Variants in RPRD2 observed in about 807,000 individuals in gnomAD.
RPRD2 encodes regulation of nuclear pre-mRNA domain containing 2.
Under a neutral mutation model 104.4 loss-of-function variants are expected in RPRD2, and 12 were observed. That is an observed-to-expected ratio of 0.11 (90% CI 0.07 to 0.19). RPRD2 has a LOEUF of 0.19. Among genes scored for constraint, RPRD2 ranks in the 10% least tolerant of loss-of-function variants. RPRD2 has a pLI of 1.00. For synonymous variants in RPRD2, 714 were observed against 684.9 expected, an observed-to-expected ratio of 1.04 and a Z score of -0.66; for missense variants, 1,543 against 1,790.1, an observed-to-expected ratio of 0.86 and a Z score of 2.49.
chr1:150,435,101 A>G (rs1485390719), intron 2 of RPRD2, among the ~76,000 whole-genome samples: 1 of 152,166 alleles, frequency 6.6e-6, no homozygotes, highest in Non-Finnish European at 1.5e-5. Flanking sequence ...TGTATCTGTT[A>G]TGGTGATCTG....
At position 150,457,308 on chromosome 1, in the gene RPRD2, C is replaced by A; in HGVS notation, c.891C>A (p.Asn297Lys). The A allele has an allele frequency of 6.2e-7, 1 of 1,609,818 alleles. No homozygotes were observed. Among genetic ancestry groups the A allele is most frequent in the Non-Finnish European group, 8.5e-7 (1 of 1,176,168 alleles). ...VVANAYKTFA[N>K]RVNNLKKKLD... ...TTTAGGCATATAAAACCTTTGCTAA[C>A]CGAGTAAACAATTTAAAGAAGAAGT... is the stretch of plus-strand genomic sequence containing the variant. Residue 297 changes from asparagine (N) to lysine (K), a missense_variant, in exon 8 of 11, where the codon AAC becomes AAA. By Grantham distance (94) the Asn-to-Lys change is moderately conservative. Coordinates refer to ENST00000369068, the MANE Select transcript of RPRD2 (RefSeq NM_015203.5).
rs752157875 is a variant in RPRD2, at chr1:150,471,202, C to T, written c.2254C>T (p.Leu752=). 3 of 1,613,826 alleles carry T rather than the reference C, an allele frequency of 1.9e-6. No homozygotes were observed. In the Admixed American group the frequency reaches 5.0e-5, roughly 27 times the overall value. ...PTSSSVDTMS[L]LSKIISPGSS... is the part of the protein sequence containing the mutation. ...ATCCAGCAGTGTAGATACTATGTCC[C>T]TGCTTTCTAAGATCATTAGCCCTGG... Residue 752 remains leucine, a synonymous_variant, in exon 11 of 11, where the codon CTG becomes TTG. Coordinates refer to ENST00000369068, the MANE Select transcript of RPRD2 (RefSeq NM_015203.5). The surrounding 1 kb of genome is among the most constrained non-coding windows in gnomAD (Gnocchi z 5.3).
intron 1 of RPRD2, among the ~76,000 whole-genome samples, chr1:150,411,809 A>C (rs1663946818): frequency 1.4e-5 from 2 of 145,502 alleles, no homozygotes; most frequent in East Asian, 2.0e-4. Context: ...AAAAAAAAAA[A>C]AAAAAAACGA....
At position 150,476,109 on chromosome 1, in the gene RPRD2, C is replaced by A. The variant is rs1668878729; in HGVS notation, c.*2775C>A. ...AGCTTAGATGAGAGCTCTCTCCCTGCTCCCCTCTACCCTCTCAAAAGTTGA... is the reference window on the plus strand; with the variant it reads ...AGCTTAGATGAGAGCTCTCTCCCTGATCCCCTCTACCCTCTCAAAAGTTGA... On this transcript the variant is annotated 3_prime_UTR_variant, in exon 11 of 11. Transcript: ENST00000369068. 6.6e-6 allele frequency: 1 copy of A among 152,180 alleles called. No homozygotes were observed. The highest frequency in any genetic ancestry group is 1.5e-5 in the Non-Finnish European group (1 of 68,042). The allele number at this position is 152,180 out of a possible 1,614,324, so 9.4% of individuals were successfully genotyped here.
intron 1 of RPRD2, among the ~76,000 whole-genome samples, chr1:150,381,409 G>C (rs1244358246): frequency 6.6e-6 from 1 of 151,984 alleles, no homozygotes; most frequent in Non-Finnish European, 1.5e-5. Flanking sequence ...AAAACAGCAA[G>C]ACCCTGGCTC....
chr1:150,456,750 C>T (rs1211646689), intron 7 of RPRD2, among the ~76,000 whole-genome samples: 1 of 151,246 alleles, frequency 6.6e-6, no homozygotes, highest in Non-Finnish European at 1.5e-5. Context: ...CATGGTGAAA[C>T]CCCGTCTCTA....
At chr1:150,401,505 T>A (rs1283314639) in intron 1 of RPRD2, among the ~76,000 whole-genome samples, 1 of 149,434 alleles carries the variant, frequency 6.7e-6, no homozygotes, top group African/African-American at 2.5e-5. Flanking sequence ...AAAGGCAGAG[T>A]CTTACTTTGT....
chr1:150,423,966 A>G (rs1202402974), intron 2 of RPRD2, among the ~76,000 whole-genome samples: 1 of 151,420 alleles, frequency 6.6e-6, no homozygotes, highest in Non-Finnish European at 1.5e-5. Context: ...CTAATTTTGT[A>G]CTTTCAGTAG....
intron 10 of RPRD2, 34 bp from the exon 11 acceptor site, chr1:150,470,527 T>C: frequency 1.3e-6 from 2 of 1,590,256 alleles, no homozygotes; most frequent in Non-Finnish European, 1.7e-6. Context: ...TAGGGAGTTG[T>C]TCTTTTTAAC....
chr1:150,370,572 CTTTTT>C (rs11288735), intron 1 of RPRD2, among the ~76,000 whole-genome samples: 2 of 109,720 alleles, frequency 1.8e-5, no homozygotes, highest in African/African-American at 3.6e-5. Context: ...TCCATTTTGT[CTTTTT>C]TTTTTTTTTT....
intron 1 of RPRD2, among the ~76,000 whole-genome samples, chr1:150,383,375 C>G (rs111446381): frequency 4.3e-5 from 6 of 139,480 alleles, no homozygotes; most frequent in African/African-American, 1.7e-4. Context: ...AGTGCAGTGG[C>G]GCAATCTTGG....
rs1668681504 is a variant in RPRD2 at position 150,472,808 on chromosome 1, T to G, written c.3860T>G (p.Val1287Gly). Residue 1287 changes from valine to glycine, a missense_variant, in exon 11 of 11, where the codon GTC (valine) becomes GGC (glycine). This residue lies in a region of RPRD2 where 880 missense variants were observed against 885.6 expected (regional missense o/e 0.99). Coordinates refer to ENST00000369068, the MANE Select transcript of RPRD2 (RefSeq NM_015203.5). ...CATAGCAGCAGTGGTGGGAGTGGTG[T>G]CCCCTTTTCTACTCCACCCCCTCCT... is the stretch of plus-strand genomic sequence containing the variant. ...GEHSSSGGSG[V>G]PFSTPPPPPP... 1 of 1,610,096 alleles carries G rather than the reference T, an allele frequency of 6.2e-7. No individual in the cohort carries two copies. Among genetic ancestry groups the G allele is most frequent in the Non-Finnish European group, 8.5e-7 (1 of 1,177,326 alleles).
At chr1:150,379,588 G>A (rs934794007) in intron 1 of RPRD2, among the ~76,000 whole-genome samples, 1 of 152,082 alleles carries the variant, frequency 6.6e-6, no homozygotes, top group Non-Finnish European at 1.5e-5. Context: ...TTTTAGTAGA[G>A]ACGGGGTTTC....
At chr1:150,381,054 A>G (rs969350762) in intron 1 of RPRD2, among the ~76,000 whole-genome samples, 2 of 152,138 alleles carry the variant, frequency 1.3e-5, no homozygotes, top group Admixed American at 1.3e-4. Flanking sequence ...AAAGAATGTA[A>G]ACTGCTAACA....
rs587723341 is a variant in RPRD2 at position 150,452,739 on chromosome 1, C to T, written c.871-4549C>T. Among the ~76,000 whole-genome samples, 4 of 133,796 alleles carry T rather than the reference C, an allele frequency of 3.0e-5. No homozygotes were observed. The East Asian group carries it at 9.7e-4, about 32-fold the overall frequency. 87.8% of individuals were successfully genotyped at this position (133,796 alleles called of 152,430 possible). A position where few individuals can be genotyped will look rare whatever the true frequency, so the allele number is the denominator to read the frequency against. ...AGGCTGGAGTGCAGTGGCACGATCT[C>T]GGCTCACTGCAACCTCCGCCTCCCA... On this transcript the variant is annotated intron_variant, in intron 7 of 10. Coordinates refer to ENST00000369068, the MANE Select transcript of RPRD2 (RefSeq NM_015203.5).
chr1:150,434,445 G>A (rs1415969612), intron 2 of RPRD2, among the ~76,000 whole-genome samples: 1 of 152,148 alleles, frequency 6.6e-6, no homozygotes, highest in Non-Finnish European at 1.5e-5. Context: ...GAAAATATGA[G>A]AAACTCTTAT....
chr1:150,392,427 C>T (rs1426524714), intron 1 of RPRD2, among the ~76,000 whole-genome samples: 1 of 152,128 alleles, frequency 6.6e-6, no homozygotes, highest in Non-Finnish European at 1.5e-5. Flanking sequence ...ATTGCTGGAA[C>T]CCAGGAGGCG....
intron 1 of RPRD2, among the ~76,000 whole-genome samples, chr1:150,368,353 C>T (rs1448506293): frequency 6.6e-6 from 1 of 151,030 alleles, no homozygotes; most frequent in African/African-American, 2.4e-5. Context: ...AGTGCGGTGG[C>T]GTGATCTCAG....
intron 7 of RPRD2, among the ~76,000 whole-genome samples, chr1:150,452,930 A>G (rs1667295514): frequency 1.3e-5 from 2 of 152,056 alleles, no homozygotes; most frequent in African/African-American, 2.4e-5. Context: ...TCTGCCTCCC[A>G]AAGTGCTGAG....
Sources: allele counts gnomAD v4.1 joint callset (sites outside exome capture counted in the v4.1 genomes callset), GRCh38; gene constraint gnomAD v4.1.1; regional missense constraint gnomAD v4.1.1; non-coding constraint Gnocchi (gnomAD v3.1); transcripts MANE v1.5; gene names NCBI Gene and HGNC (gene_info 2026-07-23, HGNC 2026-07-21).